The following CDH18 variants were observed in gnomAD, a reference collection of about 807,000 sequenced individuals.
CDH18 encodes cadherin 18.
A neutral mutation model predicts 67.9 loss-of-function variants in CDH18; 31 were observed. The ratio of observed to expected loss-of-function variants is 0.46; its 90% CI spans 0.34 to 0.62. The LOEUF is 0.62. Ranked by LOEUF, CDH18 falls within the 20% of genes least tolerant of loss-of-function variation. CDH18 has a pLI of 0.01. For synonymous variants in CDH18, 362 were observed against 347.2 expected, an observed-to-expected ratio of 1.04 and a Z score of -0.48; for missense variants, 890 against 975.5, an observed-to-expected ratio of 0.91 and a Z score of 1.17.
chr5:19,542,534 G>T (rs994927127), intron 9 of CDH18, among the ~76,000 whole-genome samples: 1 of 152,088 alleles, frequency 6.6e-6, no homozygotes, highest in South Asian at 2.1e-4. Flanking sequence ...AGTAAAGAAT[G>T]GATAAATATG....
chr5:20,380,153 C>G (rs1743800051), intron 1 of CDH18, among the ~76,000 whole-genome samples: 1 of 152,008 alleles, frequency 6.6e-6, no homozygotes, highest in African/African-American at 2.4e-5. Context: ...ATATATTTGT[C>G]CATTTAATAG....
intron 3 of CDH18, among the ~76,000 whole-genome samples, chr5:19,790,713 A>C (rs1022970366): frequency 3.3e-5 from 5 of 152,162 alleles, no homozygotes; most frequent in African/African-American, 1.2e-4. Context: ...CTGTTTATAA[A>C]GGATCAATCT....
chr5:20,433,110 C>T (rs984027909), intron 1 of CDH18, among the ~76,000 whole-genome samples: 1 of 150,912 alleles, frequency 6.6e-6, no homozygotes, highest in Non-Finnish European at 1.5e-5. Context: ...ACATTTCTTC[C>T]TGGGTCACTT....
At chr5:19,902,053 T>C (rs959337180) in intron 2 of CDH18, among the ~76,000 whole-genome samples, 68 of 152,188 alleles carry the variant, frequency 4.5e-4, no homozygotes, top group African/African-American at 1.4e-3. Flanking sequence ...ACATGTTAAT[T>C]CATTACCTGT....
At chr5:19,802,241 C>A (rs1276572630) in intron 3 of CDH18, among the ~76,000 whole-genome samples, 1 of 151,938 alleles carries the variant, frequency 6.6e-6, no homozygotes, top group Middle Eastern at 3.2e-3. Flanking sequence ...TTTGATATAA[C>A]AATAGGAAGA....
intron 2 of CDH18, among the ~76,000 whole-genome samples, chr5:19,994,849 T>TAGAGAGAGAGAGAGAGAGAGAG (rs1186725188): frequency 6.2e-5 from 2 of 32,334 alleles, no homozygotes; most frequent in African/African-American, 2.9e-4. Context: ...TATATATATA[T>TAGAGAGAGAGAGAGAGAGAGAG]ATATATAGAG....
At chr5:19,572,096 C>T (rs1021614102) in intron 7 of CDH18, among the ~76,000 whole-genome samples, 10 of 152,060 alleles carry the variant, frequency 6.6e-5, no homozygotes, top group African/African-American at 2.2e-4. Flanking sequence ...ATACAAACTC[C>T]GATTCAGGAA....
rs1737800056 is a variant in CDH18, at chr5:19,473,050, T to C, written c.*176A>G. ...ATTGTCTTTTTTTTTTTTTTTTTAC[T>C]TTCTTCCAATTAAATAACCCAGTTT... On this transcript the variant is annotated 3_prime_UTR_variant, in exon 13 of 13. Coordinates refer to ENST00000382275, the MANE Select transcript of CDH18 (RefSeq NM_004934.5). 3.5e-6 allele frequency: 2 copies of C among 571,530 alleles called. No homozygotes were observed. The highest frequency in any genetic ancestry group is 6.3e-5 in the South Asian group (2 of 31,776). 35.4% of individuals were successfully genotyped at this position (571,530 alleles called of 1,614,324 possible). A position where few individuals can be genotyped will look rare whatever the true frequency, so the allele number is the denominator to read the frequency against.
intron 9 of CDH18, among the ~76,000 whole-genome samples, chr5:19,538,478 C>A (rs1294960672): frequency 6.6e-6 from 1 of 152,104 alleles, no homozygotes; most frequent in African/African-American, 2.4e-5. Context: ...GGTCCCTGAC[C>A]ATACTCATAA....
At chr5:19,949,565 G>C (rs934394647) in intron 2 of CDH18, among the ~76,000 whole-genome samples, 4 of 152,100 alleles carry the variant, frequency 2.6e-5, no homozygotes, top group Admixed American at 2.6e-4. Flanking sequence ...TTTTGAGAAT[G>C]TCAGTCTGGA....
At chr5:20,273,520 T>C (rs991030739) in intron 1 of CDH18, among the ~76,000 whole-genome samples, 2 of 152,074 alleles carry the variant, frequency 1.3e-5, no homozygotes, top group African/African-American at 4.8e-5. Context: ...GTCAATTGAT[T>C]GATGCAGTAT....
At chr5:20,159,766 G>A (rs569045658) in intron 2 of CDH18, among the ~76,000 whole-genome samples, 7 of 152,116 alleles carry the variant, frequency 4.6e-5, no homozygotes, top group East Asian at 3.9e-4. Context: ...TTACTTAATC[G>A]GCAAGCTGCT....
intron 2 of CDH18, among the ~76,000 whole-genome samples, chr5:19,935,179 C>T (rs540791167): frequency 6.6e-6 from 1 of 151,200 alleles, no homozygotes; most frequent in African/African-American, 2.4e-5. Context: ...AGAAATATAC[C>T]TGTTCATGAC....
chr5:20,206,426 C>G (rs985445059), intron 2 of CDH18, among the ~76,000 whole-genome samples: 1 of 151,712 alleles, frequency 6.6e-6, no homozygotes, highest in Non-Finnish European at 1.5e-5. Flanking sequence ...AATTCCAATT[C>G]TATTCAAAGT....
chr5:19,817,340 T>A (rs1435012717), intron 3 of CDH18, among the ~76,000 whole-genome samples: 1 of 151,978 alleles, frequency 6.6e-6, no homozygotes, highest in Non-Finnish European at 1.5e-5. Flanking sequence ...AACTTACTTA[T>A]CTTTGAATCG....
intron 2 of CDH18, among the ~76,000 whole-genome samples, chr5:19,847,152 C>T (rs1783073368): frequency 6.6e-6 from 1 of 152,032 alleles, no homozygotes; most frequent in African/African-American, 2.4e-5. Context: ...CTACTTGCAT[C>T]TATTATAGCT....
At chr5:19,550,144 A>AG (rs1047800810) in intron 8 of CDH18, among the ~76,000 whole-genome samples, 5 of 152,066 alleles carry the variant, frequency 3.3e-5, no homozygotes, top group South Asian at 4.1e-4. Flanking sequence ...AGAAAAAGAG[A>AG]GAAAAAAAAA....
chr5:20,116,108 G>A (rs1747886006), intron 2 of CDH18, among the ~76,000 whole-genome samples: 1 of 152,082 alleles, frequency 6.6e-6, no homozygotes, highest in Non-Finnish European at 1.5e-5. Flanking sequence ...CATTACTATA[G>A]AGTTCCTTTC....
At chr5:19,564,178 C>A (rs949763503) in intron 8 of CDH18, among the ~76,000 whole-genome samples, 2 of 151,958 alleles carry the variant, frequency 1.3e-5, no homozygotes, top group African/African-American at 4.8e-5. Flanking sequence ...CTGAGTAAGC[C>A]TTGGTGATGT....
Sources: allele counts gnomAD v4.1 joint callset (sites outside exome capture counted in the v4.1 genomes callset), GRCh38; gene constraint gnomAD v4.1.1; transcripts MANE v1.5; gene names NCBI Gene and HGNC (gene_info 2026-07-23, HGNC 2026-07-21).